Variants in SAMD12 observed in about 807,000 individuals in gnomAD.
SAMD12 encodes sterile alpha motif domain-containing protein 12.
In SAMD12, 9 loss-of-function variants were observed where a neutral mutation model predicts 15.0. The ratio of observed to expected loss-of-function variants is 0.60; its 90% CI spans 0.36 to 1.05. The LOEUF is 1.05. Ranked by LOEUF, SAMD12 falls within the 50% of genes least tolerant of loss-of-function variation. The pLI is 0.01. For synonymous variants in SAMD12, 86 were observed against 90.1 expected, an observed-to-expected ratio of 0.96 and a Z score of 0.25; for missense variants, 230 against 234.2, an observed-to-expected ratio of 0.98 and a Z score of 0.12.
chr8:118,255,897 A>G (rs1156463742), intron 4 of SAMD12, among the ~76,000 whole-genome samples: 2 of 152,004 alleles, frequency 1.3e-5, no homozygotes, highest in Admixed American at 6.6e-5. Context: ...GTCAAATGGT[A>G]TTTCTAGTTC....
chr8:118,492,121 C>CT lies in SAMD12; in HGVS notation c.193-52161_193-52160insA, dbSNP rs1586760425. Reference sequence around the variant, plus strand: ...CTCCACATCACTGATACTGGTGTTGCCTTTTTTTTTTTTTTTTTAAGTTTT... The same window carrying CT: ...CTCCACATCACTGATACTGGTGTTGCTCTTTTTTTTTTTTTTTTTAAGTTTT... On this transcript the variant is annotated intron_variant, in intron 2 of 3. Coordinates refer to ENST00000314727, the MANE Select transcript of SAMD12 (RefSeq NM_207506.3). 4.9e-3 allele frequency among the ~76,000 whole-genome samples: 550 copies of CT among 112,560 alleles called. 10 individuals are homozygous for CT. Among genetic ancestry groups the CT allele is most frequent in the African/African-American group, 0.019 (443 of 22,954 alleles). The allele number at this position is 112,560 out of a possible 152,430, so 73.8% of individuals were successfully genotyped here.
At chr8:118,375,064 G>T (rs1420787926), downstream of SAMD12, among the ~76,000 whole-genome samples, 1 of 152,056 alleles carries the variant, frequency 6.6e-6, no homozygotes, top group Non-Finnish European at 1.5e-5. Flanking sequence ...AGTTGCAACA[G>T]ATACCATATG....
the SAMD12 span, among the ~76,000 whole-genome samples, chr8:118,135,937 C>T: frequency 6.6e-6 from 1 of 152,182 alleles, no homozygotes; most frequent in African/African-American, 2.4e-5. Flanking sequence ...ACAACATCCT[C>T]ATCCTTCCTT....
intron 2 of SAMD12, among the ~76,000 whole-genome samples, chr8:118,537,593 G>C (rs1453162838): frequency 1.3e-5 from 2 of 152,066 alleles, no homozygotes; most frequent in African/African-American, 4.8e-5. Flanking sequence ...TATGTCAATT[G>C]CATTTTTCAG....
intron 2 of SAMD12, among the ~76,000 whole-genome samples, chr8:118,534,243 T>C (rs1162870904): frequency 6.6e-6 from 1 of 152,160 alleles, no homozygotes; most frequent in East Asian, 1.9e-4. Flanking sequence ...TTGCAAATTC[T>C]TTTCTTTAAG....
intron 2 of SAMD12, among the ~76,000 whole-genome samples, chr8:118,515,416 C>T (rs1210528271): frequency 2.0e-5 from 3 of 152,074 alleles, no homozygotes; most frequent in Non-Finnish European, 2.9e-5. Context: ...CTTCCTCAGC[C>T]GTGCTTCCCA....
chr8:118,244,478 T>C (rs189098794), intron 4 of SAMD12, among the ~76,000 whole-genome samples: 171 of 152,278 alleles, frequency 1.1e-3, no homozygotes, highest in Middle Eastern at 6.8e-3. Context: ...AATAATGCCA[T>C]TGGCTTTTTT....
chr8:118,488,128 A>G (rs1316963829), intron 2 of SAMD12, among the ~76,000 whole-genome samples: 1 of 152,160 alleles, frequency 6.6e-6, no homozygotes, highest in East Asian at 1.9e-4. Context: ...TATAACCATT[A>G]TCAATAATGA....
intron 2 of SAMD12, among the ~76,000 whole-genome samples, chr8:118,510,682 G>GTCAGATTT (rs1419563656): frequency 1.3e-5 from 2 of 152,150 alleles, no homozygotes; most frequent in African/African-American, 4.8e-5. Context: ...GCACCTGTTG[G>GTCAGATTT]TCAGATTTAG....
chr8:118,597,814 C>G (rs1827761051), intron 1 of SAMD12, among the ~76,000 whole-genome samples: 1 of 152,198 alleles, frequency 6.6e-6, no homozygotes, highest in Non-Finnish European at 1.5e-5. Flanking sequence ...TTTTGATTCT[C>G]TACATGGCAG....
intron 2 of SAMD12, among the ~76,000 whole-genome samples, chr8:118,517,135 C>T (rs1825265294): frequency 6.6e-6 from 1 of 152,202 alleles, no homozygotes; most frequent in African/African-American, 2.4e-5. Flanking sequence ...ATTTTCATTT[C>T]TGAGTTCCTA....
intron 4 of SAMD12, among the ~76,000 whole-genome samples, chr8:118,230,943 T>G (rs113511436): frequency 3.3e-5 from 5 of 152,120 alleles, no homozygotes; most frequent in Admixed American, 3.3e-4. Context: ...AGCAGAGAAG[T>G]GATGACTTTT....
At chr8:118,170,742 A>G in the SAMD12 span, among the ~76,000 whole-genome samples, 1 of 152,230 alleles carries the variant, frequency 6.6e-6, no homozygotes, top group Non-Finnish European at 1.5e-5. Flanking sequence ...AGATAAAATA[A>G]GAGTAAACCT....
intron 4 of SAMD12, among the ~76,000 whole-genome samples, chr8:118,366,911 A>AAATAAAATAAAATAT (rs1170981816): frequency 2.4e-4 from 23 of 94,722 alleles, no homozygotes; most frequent in Non-Finnish European, 4.6e-4. Context: ...AAATAAAATA[A>AAATAAAATAAAATAT]AATAAAAATG....
chr8:118,304,283 G>C (rs1815194475), intron 4 of SAMD12, among the ~76,000 whole-genome samples: 1 of 152,206 alleles, frequency 6.6e-6, no homozygotes, highest in African/African-American at 2.4e-5. Context: ...CTGTGAGAAA[G>C]TGTTTTGAAA....
At chr8:118,366,351 T>C (rs768481434) in intron 4 of SAMD12, among the ~76,000 whole-genome samples, 2 of 152,194 alleles carry the variant, frequency 1.3e-5, no homozygotes, top group Admixed American at 6.5e-5. Flanking sequence ...TTCTGTGCTA[T>C]AATATTTTAC....
chr8:118,523,309 G>T (rs1825443401), intron 2 of SAMD12, among the ~76,000 whole-genome samples: 1 of 152,140 alleles, frequency 6.6e-6, no homozygotes, highest in African/African-American at 2.4e-5. Context: ...CTACTGATAG[G>T]TCCAGACTTA....
chr8:118,321,156 T>A lies in SAMD12; in HGVS notation c.433+58404A>T, dbSNP rs1466598970. 4.2e-3 allele frequency among the ~76,000 whole-genome samples: 262 copies of A among 62,136 alleles called. 8 individuals are homozygous for A. The highest frequency in any genetic ancestry group is 0.024 in the African/African-American group (247 of 10,118). 40.8% of individuals were successfully genotyped at this position (62,136 alleles called of 152,430 possible). ...ATCATAGATAATAAATATATATATA[T>A]ATATATATATATATATATATATATA... On this transcript the variant is annotated intron_variant, in intron 4 of 4. Coordinates refer to the SAMD12 transcript ENST00000409003.
At chr8:118,358,332 C>A (rs1453787068) in intron 4 of SAMD12, among the ~76,000 whole-genome samples, 1 of 152,104 alleles carries the variant, frequency 6.6e-6, no homozygotes, top group East Asian at 1.9e-4. Context: ...TATACTTTTC[C>A]TTTATTGCCC....
Sources: allele counts gnomAD v4.1 joint callset (sites outside exome capture counted in the v4.1 genomes callset), GRCh38; gene constraint gnomAD v4.1.1; transcripts MANE v1.5; gene names NCBI Gene and HGNC (gene_info 2026-07-23, HGNC 2026-07-21).